The following CELF4 variants were observed in gnomAD, a reference collection of about 807,000 sequenced individuals.
The protein encoded by CELF4 is CUGBP Elav-like family member 4.
In CELF4, 18 loss-of-function variants were observed where a neutral mutation model predicts 59.9. The ratio of observed to expected loss-of-function variants is 0.30; its 90% CI spans 0.21 to 0.45. The LOEUF (loss-of-function observed/expected upper bound fraction) is 0.45, where lower values mean the gene tolerates loss of function less well. CELF4 is among the 20% of genes least tolerant of loss of function. CELF4 has a pLI of 1.00. For missense variants in CELF4, 456 were observed against 689.0 expected (o/e 0.66, Z 3.79); for synonymous variants, 261 against 267.1 (o/e 0.98, Z 0.22).
chr18:37,416,231 T>TATCC (rs72120429), intron 2 of CELF4, among the ~76,000 whole-genome samples: 40,645 of 151,440 alleles, frequency 0.27, 5,735 homozygotes, highest in Non-Finnish European at 0.31. Context: ...TCCATTCATC[T>TATCC]ATCCATCCAT....
chr18:37,520,214 AAC>A (rs1475743147), intron 1 of CELF4, among the ~76,000 whole-genome samples: 1 of 152,048 alleles, frequency 6.6e-6, no homozygotes, highest in Non-Finnish European at 1.5e-5. Context: ...AGCTCTGGGG[AAC>A]AGTGTCTCCT....
Position 37,519,389 on chromosome 18 carries a change from C to T in CELF4, c.287-33782G>A, listed in dbSNP as rs113365197. 3.0e-3 allele frequency among the ~76,000 whole-genome samples: 456 copies of T among 152,222 alleles called. 2 individuals are homozygous for T. Among genetic ancestry groups the T allele is most frequent in the African/African-American group, 0.011 (439 of 41,532 alleles). Reference sequence around the variant, plus strand: ...AGTGTGCTCAAGGATGGCGTGCCCTCCTCACTTTGTCTGGCTTTGTTTGCG... The same window carrying T: ...AGTGTGCTCAAGGATGGCGTGCCCTTCTCACTTTGTCTGGCTTTGTTTGCG... On this transcript the variant is annotated intron_variant, in intron 1 of 12. Coordinates refer to ENST00000420428, the MANE Select transcript of CELF4 (RefSeq NM_020180.4).
At chr18:37,431,893 G>A (rs1283622829) in intron 2 of CELF4, among the ~76,000 whole-genome samples, 1 of 152,226 alleles carries the variant, frequency 6.6e-6, no homozygotes, top group Non-Finnish European at 1.5e-5. Flanking sequence ...GAGGCAGCTT[G>A]TCTATGCCCA....
intron 2 of CELF4, among the ~76,000 whole-genome samples, chr18:37,458,151 C>G (rs1873539982): frequency 6.6e-6 from 1 of 152,190 alleles, no homozygotes; most frequent in Admixed American, 6.5e-5. Context: ...CGGCTAAGGT[C>G]ATGAAGTGGG....
intron 2 of CELF4, among the ~76,000 whole-genome samples, chr18:37,363,836 C>T (rs1003096471): frequency 2.0e-5 from 3 of 152,140 alleles, no homozygotes; most frequent in African/African-American, 7.2e-5. Flanking sequence ...TTCTCTGCCC[C>T]ACTCCAGCCC....
At chr18:37,506,046 T>C (rs957606675) in intron 1 of CELF4, among the ~76,000 whole-genome samples, 1 of 152,094 alleles carries the variant, frequency 6.6e-6, no homozygotes, top group Middle Eastern at 3.2e-3. Flanking sequence ...GCCTCAGCCC[T>C]GGTTTGTTTC....
intron 11 of CELF4, among the ~76,000 whole-genome samples, chr18:37,258,765 TGA>T (rs947569948): frequency 3.3e-5 from 5 of 152,262 alleles, no homozygotes; most frequent in African/African-American, 9.6e-5. Context: ...ACTCTCACCA[TGA>T]GAGGAGAGGG....
At chr18:37,359,760 G>T (rs555657620) in intron 2 of CELF4, among the ~76,000 whole-genome samples, 10 of 152,074 alleles carry the variant, frequency 6.6e-5, no homozygotes, top group Non-Finnish European at 1.5e-4. Context: ...TGTTAGCCAG[G>T]ATGGTCTCAA....
intron 2 of CELF4, among the ~76,000 whole-genome samples, chr18:37,403,976 G>A (rs893208918): frequency 2.0e-5 from 3 of 152,268 alleles, no homozygotes; most frequent in African/African-American, 4.8e-5. Context: ...TTTGCCCCCC[G>A]CTGTGAGGCC....
At chr18:37,468,300 T>C (rs1288882525) in intron 2 of CELF4, among the ~76,000 whole-genome samples, 1 of 152,158 alleles carries the variant, frequency 6.6e-6, no homozygotes, top group African/African-American at 2.4e-5. Context: ...TCTGGAGTAA[T>C]AATTCCACTC....
intron 1 of CELF4, among the ~76,000 whole-genome samples, chr18:37,493,547 G>A (rs868261335): frequency 1.3e-5 from 2 of 152,152 alleles, no homozygotes; most frequent in Non-Finnish European, 2.9e-5. Context: ...GCTGCTGCAG[G>A]GATGCGGGTG....
chr18:37,287,967 G>T (rs2094964564), intron 3 of CELF4, among the ~76,000 whole-genome samples: 1 of 152,194 alleles, frequency 6.6e-6, no homozygotes, highest in African/African-American at 2.4e-5. Context: ...AGGTAATGAG[G>T]TCTAAATGCA....
At chr18:37,380,165 G>T (rs965234030) in intron 2 of CELF4, among the ~76,000 whole-genome samples, 2 of 152,158 alleles carry the variant, frequency 1.3e-5, no homozygotes, top group Middle Eastern at 3.2e-3. Context: ...TGATTTCTCA[G>T]ATGCAGAGAG....
chr18:37,402,960 G>A (rs2099347681), intron 2 of CELF4, among the ~76,000 whole-genome samples: 1 of 152,188 alleles, frequency 6.6e-6, no homozygotes, highest in Non-Finnish European at 1.5e-5. Context: ...CCCAGTCCTG[G>A]CATGCACAGG....
At chr18:37,301,536 C>T (rs1414976033) in intron 3 of CELF4, among the ~76,000 whole-genome samples, 1 of 152,164 alleles carries the variant, frequency 6.6e-6, no homozygotes, top group Non-Finnish European at 1.5e-5. Flanking sequence ...GGGGCTGCCT[C>T]GTGCCAGGCA....
chr18:37,306,145 G>C (rs2096386688), intron 3 of CELF4: 1 of 152,252 alleles, frequency 6.6e-6, no homozygotes, highest in South Asian at 2.1e-4. Flanking sequence ...CCTGGTGGGG[G>C]GCCAGGGCCT....
At chr18:37,347,472 T>C (rs1603623167) in intron 2 of CELF4, among the ~76,000 whole-genome samples, 1 of 152,274 alleles carries the variant, frequency 6.6e-6, no homozygotes, top group East Asian at 1.9e-4. Flanking sequence ...GCTTTTATTC[T>C]GGAAAGTGTC....
At chr18:37,523,883 C>G (rs1258386105) in intron 1 of CELF4, among the ~76,000 whole-genome samples, 1 of 152,152 alleles carries the variant, frequency 6.6e-6, no homozygotes, top group Non-Finnish European at 1.5e-5. Flanking sequence ...GAGAAATGAG[C>G]GTGTGGCTTC....
intron 4 of CELF4, 112 bp from the exon 5 acceptor site, chr18:37,274,996 G>C: frequency 6.5e-7 from 1 of 1,535,584 alleles, no homozygotes. Flanking sequence ...GATTGAGAAA[G>C]AGACACCAAG....
Sources: gnomAD v4.1 joint callset for allele counts (sites outside exome capture counted in the v4.1 genomes callset) on GRCh38, gnomAD v4.1.1 for gene constraint, MANE v1.5 for transcripts, NCBI Gene and HGNC (gene_info 2026-07-23, HGNC 2026-07-21) for gene names.